Variants in KCND3 observed in about 807,000 individuals in gnomAD.
KCND3 encodes the protein A-type voltage-gated potassium channel KCND3.
KCND3 carries 9 observed loss-of-function variants against 51.1 expected under a neutral mutation model. The ratio of observed to expected loss-of-function variants is 0.18; its 90% CI spans 0.11 to 0.31. The LOEUF (loss-of-function observed/expected upper bound fraction) is 0.31, where lower values mean the gene tolerates loss of function less well. Among genes scored for constraint, KCND3 ranks in the 10% least tolerant of loss-of-function variants. KCND3 has a pLI of 1.00. For missense variants in KCND3, 526 were observed against 903.8 expected (o/e 0.58, Z 5.36); for synonymous variants, 349 against 368.0 (o/e 0.95, Z 0.59).
At chr1:111,953,921 C>T (rs1014217759) in intron 2 of KCND3, among the ~76,000 whole-genome samples, 2 of 152,160 alleles carry the variant, frequency 1.3e-5, no homozygotes, top group Non-Finnish European at 2.9e-5. Flanking sequence ...CTACCCTTTC[C>T]TAGCCCCAAA....
At chr1:111,813,586 C>T (rs550793396) in intron 2 of KCND3, among the ~76,000 whole-genome samples, 13 of 152,340 alleles carry the variant, frequency 8.5e-5, no homozygotes, top group South Asian at 4.1e-4. Flanking sequence ...GTCTTAGGCT[C>T]GCCTAGCCAC....
At chr1:111,792,651 C>T (rs1221754533) in intron 2 of KCND3, among the ~76,000 whole-genome samples, 4 of 152,136 alleles carry the variant, frequency 2.6e-5, no homozygotes, top group Non-Finnish European at 4.4e-5. Context: ...TACTTAAATC[C>T]TCTGTCTTCA....
At chr1:111,799,806 G>A (rs1665213902) in intron 2 of KCND3, among the ~76,000 whole-genome samples, 2 of 152,236 alleles carry the variant, frequency 1.3e-5, no homozygotes, top group South Asian at 2.1e-4. Context: ...GTGTTAAAAC[G>A]AGACGGAGAT....
rs1408248936 is a variant in KCND3, at chr1:111,771,142, C to G, written c.*4935G>C. On this transcript the variant is annotated 3_prime_UTR_variant, in exon 8 of 8. Coordinates refer to ENST00000302127, the MANE Select transcript of KCND3 (RefSeq NM_001378969.1). ...ACATCATCCAGTGTAGTTGAGTAACCTGCTAAGATAAATGTCATTCCCACA... is the reference window on the plus strand; with the variant it reads ...ACATCATCCAGTGTAGTTGAGTAACGTGCTAAGATAAATGTCATTCCCACA... 2 of 152,152 alleles carry G rather than the reference C, an allele frequency of 1.3e-5. No individual in the cohort carries two copies. Among genetic ancestry groups the G allele is most frequent in the African/African-American group, 4.8e-5 (2 of 41,430 alleles). 9.4% of individuals were successfully genotyped at this position (152,152 alleles called of 1,614,324 possible). A position where few individuals can be genotyped will look rare whatever the true frequency, so the allele number is the denominator to read the frequency against.
intron 2 of KCND3, among the ~76,000 whole-genome samples, chr1:111,799,970 G>T (rs541834491): frequency 2.8e-4 from 42 of 151,968 alleles, no homozygotes; most frequent in Non-Finnish European, 2.9e-5. Flanking sequence ...GGTGAGGGGC[G>T]CCTCTGCCCG....
At chr1:111,855,866 G>A (rs1259734965) in intron 2 of KCND3, among the ~76,000 whole-genome samples, 2 of 152,202 alleles carry the variant, frequency 1.3e-5, no homozygotes, top group Non-Finnish European at 2.9e-5. Context: ...AACTGGATGA[G>A]GGGAGGGAGT....
intron 3 of KCND3, among the ~76,000 whole-genome samples, chr1:111,783,078 T>C (rs1469326579): frequency 1.3e-5 from 2 of 151,862 alleles, no homozygotes; most frequent in African/African-American, 4.8e-5. Flanking sequence ...GCCATGCTTA[T>C]ACTGCCACTG....
At chr1:111,826,760 A>G (rs1666594615) in intron 2 of KCND3, among the ~76,000 whole-genome samples, 2 of 152,194 alleles carry the variant, frequency 1.3e-5, no homozygotes. Context: ...CTATTATAAT[A>G]ATAATAATAG....
At chr1:111,978,313 G>A (rs917478922) in intron 2 of KCND3, among the ~76,000 whole-genome samples, 10 of 152,178 alleles carry the variant, frequency 6.6e-5, no homozygotes, top group Non-Finnish European at 1.5e-4. Context: ...AGACATTCCC[G>A]CTCCAGACTG....
At chr1:111,814,324 C>T (rs1416285) in intron 2 of KCND3, among the ~76,000 whole-genome samples, 88,228 of 152,012 alleles carry the variant, frequency 0.58, 26,051 homozygotes, top group East Asian at 0.79. Flanking sequence ...TGCACAGCAA[C>T]CTAGCATGGG....
chr1:111,894,195 A>G (rs1669988977), intron 2 of KCND3, among the ~76,000 whole-genome samples: 1 of 151,862 alleles, frequency 6.6e-6, no homozygotes, highest in African/African-American at 2.4e-5. Flanking sequence ...GCCTTACCCC[A>G]CTTGTTCACT....
chr1:111,802,781 G>A (rs1392408137), intron 2 of KCND3, among the ~76,000 whole-genome samples: 3 of 152,188 alleles, frequency 2.0e-5, no homozygotes, highest in Non-Finnish European at 4.4e-5. Flanking sequence ...CCTGCTCAGG[G>A]CCTAGGGACA....
At chr1:111,820,728 G>A (rs1263854269) in intron 2 of KCND3, among the ~76,000 whole-genome samples, 1 of 152,130 alleles carries the variant, frequency 6.6e-6, no homozygotes, top group Admixed American at 6.5e-5. Flanking sequence ...GGCTCTTTGT[G>A]GATGTAATCA....
intron 2 of KCND3, among the ~76,000 whole-genome samples, chr1:111,842,854 C>T (rs892269449): frequency 2.0e-5 from 3 of 152,240 alleles, no homozygotes; most frequent in African/African-American, 7.2e-5. Context: ...CTCCCCACCT[C>T]TTCTGCTTTG....
intron 2 of KCND3, among the ~76,000 whole-genome samples, chr1:111,851,538 C>A (rs957681232): frequency 2.6e-5 from 4 of 152,234 alleles, no homozygotes; most frequent in African/African-American, 9.6e-5. Context: ...AATCTCATCA[C>A]AACTCCTCCT....
In KCND3 at chr1:111,850,494, A is replaced by G. The variant is rs367713963; in HGVS notation, c.1107-63388T>C. ...GTGGACCCTCCTTTCCTTGTGAACAATATAGGGATATTTGATGAAGGGGTC... is the reference window on the plus strand; with the variant it reads ...GTGGACCCTCCTTTCCTTGTGAACAGTATAGGGATATTTGATGAAGGGGTC... On this transcript the variant is annotated intron_variant, in intron 2 of 7. Transcript: ENST00000302127. 7.9e-5 allele frequency among the ~76,000 whole-genome samples: 12 copies of G among 152,244 alleles called. No homozygotes were observed. The South Asian group carries it at 2.5e-3, about 32-fold the overall frequency.
chr1:111,907,110 A>G (rs1026684381), intron 2 of KCND3, among the ~76,000 whole-genome samples: 1 of 152,096 alleles, frequency 6.6e-6, no homozygotes, highest in Non-Finnish European at 1.5e-5. Context: ...GCCAGCTGTC[A>G]CAGCACCTGC....
At chr1:111,972,410 G>A (rs929422254) in intron 2 of KCND3, among the ~76,000 whole-genome samples, 1 of 152,032 alleles carries the variant, frequency 6.6e-6, no homozygotes, top group Non-Finnish European at 1.5e-5. Flanking sequence ...CTGACCTCGT[G>A]ATCCGCCCGC....
intron 2 of KCND3, among the ~76,000 whole-genome samples, chr1:111,892,552 G>C (rs1669879897): frequency 6.6e-6 from 1 of 152,224 alleles, no homozygotes; most frequent in Non-Finnish European, 1.5e-5. Context: ...AAGGGAGGCA[G>C]CTGTGAACAA....
Sources: allele counts gnomAD v4.1 joint callset (sites outside exome capture counted in the v4.1 genomes callset), GRCh38; gene constraint gnomAD v4.1.1; transcripts MANE v1.5; gene names NCBI Gene and HGNC (gene_info 2026-07-23, HGNC 2026-07-21).